Variants in GABRB3 observed in about 807,000 individuals in gnomAD.
GABRB3 encodes gamma-aminobutyric acid receptor subunit beta-3.
In GABRB3, 14 loss-of-function variants were observed where a neutral mutation model predicts 52.1. The observed-to-expected ratio is 0.27, with a 90% CI of 0.18 to 0.42. GABRB3 has a LOEUF of 0.42. Among genes scored for constraint, GABRB3 ranks in the 10% least tolerant of loss-of-function variants. GABRB3 has a pLI of 1.00. For synonymous variants in GABRB3, 260 were observed against 232.3 expected (o/e 1.12, Z -1.08); for missense variants, 307 against 609.1 (o/e 0.50, Z 5.22).
chr15:26,661,549 G>A (rs1887551793), intron 3 of GABRB3, among the ~76,000 whole-genome samples: 2 of 152,158 alleles, frequency 1.3e-5, no homozygotes, highest in African/African-American at 4.8e-5. Flanking sequence ...GGTGCTTGGG[G>A]AACGCAGACA....
intron 3 of GABRB3, among the ~76,000 whole-genome samples, chr15:26,679,191 A>G (rs1342833725): frequency 6.6e-6 from 1 of 152,152 alleles, no homozygotes; most frequent in Non-Finnish European, 1.5e-5. Context: ...TCAAAATGAA[A>G]ACATTAACTC....
intron 8 of GABRB3, among the ~76,000 whole-genome samples, chr15:26,559,417 T>G (rs749484179): frequency 1.3e-5 from 2 of 152,118 alleles, no homozygotes; most frequent in Non-Finnish European, 2.9e-5. Flanking sequence ...GTGAACCAAT[T>G]AAACCTCTTT....
chr15:26,653,729 A>ATAATT (rs1378846493), intron 3 of GABRB3, among the ~76,000 whole-genome samples: 1 of 152,232 alleles, frequency 6.6e-6, no homozygotes, highest in Admixed American at 6.5e-5. Context: ...TTTCACCGTC[A>ATAATT]TAATTTTCTT....
intron 3 of GABRB3, among the ~76,000 whole-genome samples, chr15:26,661,781 A>G (rs1051782972): frequency 2.0e-5 from 3 of 152,186 alleles, no homozygotes; most frequent in African/African-American, 4.8e-5. Flanking sequence ...AGCAGGGGGA[A>G]AGCAAGCCAG....
chr15:26,562,149 G>A (rs1160627046), intron 7 of GABRB3, among the ~76,000 whole-genome samples: 3 of 152,180 alleles, frequency 2.0e-5, no homozygotes, highest in African/African-American at 7.2e-5. Flanking sequence ...CATGCCCAGA[G>A]CTTGTGGAGT....
chr15:26,655,056 G>A (rs889578722), intron 3 of GABRB3, among the ~76,000 whole-genome samples: 5 of 152,076 alleles, frequency 3.3e-5, no homozygotes, highest in Non-Finnish European at 7.4e-5. Context: ...ATTGTAGAAT[G>A]TTTATAAAAA....
At chr15:26,773,650 G>A (rs20318), upstream of GABRB3, 274,088 of 1,562,694 alleles carry the variant, frequency 0.18, 27,178 homozygotes, top group Admixed American at 0.37. Context: ...CTCACCTGCG[G>A]GGCTCAGAGC....
chr15:26,689,970 G>A (rs1888533134), intron 3 of GABRB3, among the ~76,000 whole-genome samples: 1 of 152,112 alleles, frequency 6.6e-6, no homozygotes, highest in African/African-American at 2.4e-5. Context: ...TCAGTCAGCT[G>A]GAGGGCTTAG....
In GABRB3 at chr15:26,563,658, C is replaced by T. The variant is rs1335677846; in HGVS notation, c.836-2482G>A. 3.3e-5 allele frequency among the ~76,000 whole-genome samples: 5 copies of T among 152,324 alleles called. No homozygotes were observed. The East Asian group carries it at 9.7e-4, about 29-fold the overall frequency. The stretch of plus-strand genomic sequence containing the variant: ...ACTGTTAACACTAACAACAAATAAT[C>T]ATATGACTATCATCATTACAGAAAA... On this transcript the variant is annotated intron_variant, in intron 7 of 8. Coordinates refer to ENST00000311550, the MANE Select transcript of GABRB3 (RefSeq NM_000814.6).
chr15:26,745,314 AAAAT>A (rs1335168723), intron 3 of GABRB3, among the ~76,000 whole-genome samples: 1 of 152,210 alleles, frequency 6.6e-6, no homozygotes, highest in Non-Finnish European at 1.5e-5. Flanking sequence ...TTTTGAAAGA[AAAAT>A]AAATTCTTAA....
At chr15:26,684,335 C>A (rs546144298) in intron 3 of GABRB3, among the ~76,000 whole-genome samples, 3 of 151,962 alleles carry the variant, frequency 2.0e-5, no homozygotes, top group Non-Finnish European at 4.4e-5. Context: ...CAGGCAGGGA[C>A]GCGGAAATGC....
At chr15:26,593,240 G>C (rs1349159888) in intron 4 of GABRB3, among the ~76,000 whole-genome samples, 3 of 152,064 alleles carry the variant, frequency 2.0e-5, no homozygotes, top group African/African-American at 7.2e-5. Flanking sequence ...AGATTTATTA[G>C]AGCAGGACCA....
intron 6 of GABRB3, among the ~76,000 whole-genome samples, chr15:26,571,803 C>T (rs1890408157): frequency 6.6e-6 from 1 of 151,962 alleles, no homozygotes; most frequent in African/African-American, 2.4e-5. Flanking sequence ...AAGTAGAATG[C>T]CTTTGGGAAG....
chr15:26,579,734 A>C (rs918311561), intron 6 of GABRB3, among the ~76,000 whole-genome samples: 7 of 152,250 alleles, frequency 4.6e-5, no homozygotes, highest in Admixed American at 4.6e-4. Flanking sequence ...GTGCAAGAAC[A>C]GACTGAGGAG....
At chr15:26,752,075 C>T (rs1045129580) in intron 3 of GABRB3, among the ~76,000 whole-genome samples, 1 of 151,964 alleles carries the variant, frequency 6.6e-6, no homozygotes, top group Non-Finnish European at 1.5e-5. Context: ...ACTAGCACAC[C>T]AAGAGCCTCC....
chr15:26,709,277 G>A (rs537001254), intron 3 of GABRB3, among the ~76,000 whole-genome samples: 125 of 152,236 alleles, frequency 8.2e-4, no homozygotes, highest in African/African-American at 2.8e-3. Flanking sequence ...CTTGGTGCCC[G>A]CCTCTGGGCA....
chr15:26,711,102 T>C (rs1444696405), intron 3 of GABRB3, among the ~76,000 whole-genome samples: 1 of 152,258 alleles, frequency 6.6e-6, no homozygotes, highest in Non-Finnish European at 1.5e-5. Flanking sequence ...TAGATCATTC[T>C]ACAGCCAATT....
chr15:26,699,046 T>C (rs1219016718), intron 3 of GABRB3, among the ~76,000 whole-genome samples: 1 of 152,124 alleles, frequency 6.6e-6, no homozygotes, highest in Non-Finnish European at 1.5e-5. Context: ...TTACATTAAG[T>C]TAATGTTATG....
At chr15:26,759,312 T>C (rs1326939991) in intron 3 of GABRB3, among the ~76,000 whole-genome samples, 1 of 152,202 alleles carries the variant, frequency 6.6e-6, no homozygotes, top group East Asian at 1.9e-4. Flanking sequence ...TGGAGTGCAG[T>C]GGCGCAATCT....
Sources: gnomAD v4.1 joint callset for allele counts (sites outside exome capture counted in the v4.1 genomes callset) on GRCh38, gnomAD v4.1.1 for gene constraint, MANE v1.5 for transcripts, NCBI Gene and HGNC (gene_info 2026-07-23, HGNC 2026-07-21) for gene names.